Variants in GPATCH8 observed in about 807,000 individuals in gnomAD.
GPATCH8 encodes G patch domain-containing protein 8.
In GPATCH8, 18 loss-of-function variants were observed where a neutral mutation model predicts 118.3. The observed-to-expected ratio is 0.15, with a 90% CI of 0.11 to 0.23. The LOEUF is 0.23. Ranked by LOEUF, GPATCH8 falls within the 10% of genes least tolerant of loss-of-function variation. The probability of loss-of-function intolerance (pLI) is 1.00; values close to 1 mark genes in which losing one functional copy is unlikely to be tolerated. For missense variants in GPATCH8, 1,631 were observed against 1,873.8 expected (o/e 0.87, Z 2.39); for synonymous variants, 659 against 684.7 (o/e 0.96, Z 0.59).
intron 2 of GPATCH8, chr17:44,464,930 A>T: frequency 1.4e-4 from 22 of 159,522 alleles, no homozygotes; most frequent in Non-Finnish European, 2.3e-4. Flanking sequence ...GCACCACTTT[A>T]AGATTTTTTT....
intron 6 of GPATCH8, among the ~76,000 whole-genome samples, chr17:44,410,661 C>T (rs933241844): frequency 7.2e-5 from 11 of 152,074 alleles, no homozygotes; most frequent in Non-Finnish European, 1.3e-4. Flanking sequence ...GAGACTGAAC[C>T]CCACTGGAAA....
chr17:44,459,148 G>A (rs1455420202), intron 3 of GPATCH8, among the ~76,000 whole-genome samples: 3 of 152,122 alleles, frequency 2.0e-5, no homozygotes, highest in South Asian at 2.1e-4. Flanking sequence ...TAGTGAAACA[G>A]ACACCAAAAT....
intron 5 of GPATCH8, among the ~76,000 whole-genome samples, chr17:44,429,734 C>A (rs9906383): frequency 6.6e-6 from 1 of 151,556 alleles, no homozygotes; most frequent in African/African-American, 2.4e-5. Flanking sequence ...CATGGTGGCA[C>A]GTGTCTGTAA....
At chr17:44,408,898 C>T (rs1006041921) in intron 6 of GPATCH8, among the ~76,000 whole-genome samples, 16 of 152,182 alleles carry the variant, frequency 1.1e-4, no homozygotes, top group Non-Finnish European at 1.9e-4. Flanking sequence ...CCCAGTATCA[C>T]ATTTACAAAC....
intron 1 of GPATCH8, among the ~76,000 whole-genome samples, chr17:44,489,206 A>G (rs1411178226): frequency 6.6e-6 from 1 of 152,158 alleles, no homozygotes; most frequent in Non-Finnish European, 1.5e-5. Context: ...TTAAGAGTGC[A>G]TAATGCTTAG....
At chr17:44,415,060 C>T (rs1372976689) in intron 6 of GPATCH8, among the ~76,000 whole-genome samples, 1 of 152,194 alleles carries the variant, frequency 6.6e-6, no homozygotes, top group Non-Finnish European at 1.5e-5. Flanking sequence ...CTTGTGTGGA[C>T]ATATGTTTAC....
At chr17:44,485,186 C>A (rs1968678949) in intron 1 of GPATCH8, among the ~76,000 whole-genome samples, 1 of 152,112 alleles carries the variant, frequency 6.6e-6, no homozygotes, top group Admixed American at 6.6e-5. Flanking sequence ...TCTTGGCTCA[C>A]CGCACCTCCT....
rs115707235 is a variant in GPATCH8, at chr17:44,448,786, A to T, written c.194-12241T>A. Among the ~76,000 whole-genome samples the T allele has an allele frequency of 4.8e-3, 737 of 152,224 alleles. 9 individuals are homozygous for T. The highest frequency in any genetic ancestry group is 0.015 in the African/African-American group (627 of 41,548). ...CTAAGGCTAAGACTATAAAAAAAAA[A>T]AAATAAACAGCACTATACTACTTTA... On this transcript the variant is annotated intron_variant, in intron 3 of 7. Coordinates refer to ENST00000591680, the MANE Select transcript of GPATCH8 (RefSeq NM_001002909.4).
chr17:44,494,760 C>T (rs1024872418), intron 1 of GPATCH8, among the ~76,000 whole-genome samples: 1 of 152,146 alleles, frequency 6.6e-6, no homozygotes, highest in African/African-American at 2.4e-5. Context: ...ATTAATCTTC[C>T]TATAAGAAAG....
intron 2 of GPATCH8, chr17:44,465,747 A>G (rs2051736724): frequency 6.6e-6 from 1 of 152,226 alleles, no homozygotes; most frequent in Non-Finnish European, 1.5e-5. Flanking sequence ...AAGCTGACGA[A>G]ACCACAAATT....
At chr17:44,502,559 T>A (rs952392412) in intron 1 of GPATCH8, among the ~76,000 whole-genome samples, 6 of 152,198 alleles carry the variant, frequency 3.9e-5, no homozygotes, top group Non-Finnish European at 8.8e-5. Flanking sequence ...CATTTTTCCA[T>A]ACTAACATTT....
intron 1 of GPATCH8, among the ~76,000 whole-genome samples, chr17:44,494,371 T>C (rs1969506621): frequency 6.6e-6 from 1 of 151,938 alleles, no homozygotes; most frequent in Non-Finnish European, 1.5e-5. Flanking sequence ...GTGGGTGGAT[T>C]ACCTGAGGTC....
chr17:44,464,481 A>C lies in GPATCH8; in HGVS notation c.184T>G (p.Ser62Ala), dbSNP rs2051683324. 7 of 1,577,950 alleles carry C rather than the reference A, an allele frequency of 4.4e-6. No homozygotes were observed. Among genetic ancestry groups the C allele is most frequent in the African/African-American group, 1.3e-5 (1 of 74,224 alleles). The change falls in exon 3 of 8, where the codon TCT becomes GCT. Residue 62 changes from serine (S) to alanine (A), a missense_variant. Physicochemically the swap from Ser to Ala is moderately conservative, Grantham distance 99. Around this residue, in one of 8 missense-constraint regions of GPATCH8, gnomAD observed 81 missense variants for 227.6 expected, o/e 0.36. Coordinates refer to ENST00000591680, the MANE Select transcript of GPATCH8 (RefSeq NM_001002909.4). ...AAATGTAAACACTTACCCTGAAGAG[A>C]TTTTCCCAATCCCTGGCCCAGCTTC... Reference protein sequence around the residue: ...GWKLGQGLGKSLQGRTDPIPI... With the variant: ...GWKLGQGLGKALQGRTDPIPI...
chr17:44,440,855 C>A (rs2050665406), intron 3 of GPATCH8, among the ~76,000 whole-genome samples: 1 of 150,642 alleles, frequency 6.6e-6, no homozygotes, highest in African/African-American at 2.5e-5. Context: ...TTTTGGGAAA[C>A]ACCATTTTTT....
chr17:44,437,689 A>G (rs952810722), intron 3 of GPATCH8, among the ~76,000 whole-genome samples: 4 of 152,018 alleles, frequency 2.6e-5, no homozygotes, highest in African/African-American at 9.7e-5. Context: ...AAATGCCATG[A>G]TCATGACTGG....
intron 3 of GPATCH8, among the ~76,000 whole-genome samples, chr17:44,446,093 CCAT>C (rs957796419): frequency 6.6e-6 from 1 of 151,770 alleles, no homozygotes; most frequent in African/African-American, 2.4e-5. Context: ...GCACTCACCA[CCAT>C]GTGTGGCTAA....
intron 2 of GPATCH8, among the ~76,000 whole-genome samples, chr17:44,468,609 T>C (rs923016968): frequency 1.3e-5 from 2 of 152,002 alleles, no homozygotes; most frequent in African/African-American, 4.8e-5. Context: ...AAAGTAACTC[T>C]ACTTAATTTC....
intron 1 of GPATCH8, among the ~76,000 whole-genome samples, chr17:44,501,920 AT>A (rs1477351631): frequency 1.3e-5 from 2 of 151,732 alleles, no homozygotes; most frequent in African/African-American, 4.8e-5. Context: ...GTGCTTGCTA[AT>A]ATATATATAT....
chr17:44,432,031 G>A (rs2050333782), intron 5 of GPATCH8, among the ~76,000 whole-genome samples: 1 of 150,552 alleles, frequency 6.6e-6, no homozygotes, highest in Admixed American at 6.6e-5. Context: ...GCTATATGGA[G>A]AGTAAATCAG....
Sources: allele counts gnomAD v4.1 joint callset (sites outside exome capture counted in the v4.1 genomes callset), GRCh38; gene constraint gnomAD v4.1.1; regional missense constraint gnomAD v4.1.1; transcripts MANE v1.5; gene names NCBI Gene and HGNC (gene_info 2026-07-23, HGNC 2026-07-21).